The following FAM3C variants were observed in gnomAD, a reference collection of about 807,000 sequenced individuals.
The protein encoded by FAM3C is FAM3 metabolism regulating signaling molecule C.
A neutral mutation model predicts 32.5 loss-of-function variants in FAM3C; 15 were observed. The ratio of observed to expected loss-of-function variants is 0.46; its 90% CI spans 0.31 to 0.71. The LOEUF is 0.71. Ranked by LOEUF, FAM3C falls within the 30% of genes least tolerant of loss-of-function variation. The probability of loss-of-function intolerance (pLI) is 0.05; values close to 1 mark genes in which losing one functional copy is unlikely to be tolerated. For missense variants in FAM3C, 175 were observed against 274.4 expected, an observed-to-expected ratio of 0.64 and a Z score of 2.56; for synonymous variants, 75 against 86.1, an observed-to-expected ratio of 0.87 and a Z score of 0.72.
intron 3 of FAM3C, 78 bp from the exon 4 acceptor site, chr7:121,372,217 A>T: frequency 1.1e-6 from 1 of 920,448 alleles, no homozygotes; most frequent in South Asian, 1.5e-5. Flanking sequence ...ATTTAGGTCC[A>T]CAAAAATAAG....
At chr7:121,357,515 T>G (rs987497029) in intron 8 of FAM3C, among the ~76,000 whole-genome samples, 3 of 152,106 alleles carry the variant, frequency 2.0e-5, no homozygotes, top group African/African-American at 7.2e-5. Flanking sequence ...GTTATATATA[T>G]ATTAGATGTA....
At chr7:121,379,769 G>A (rs181622551) in intron 2 of FAM3C, among the ~76,000 whole-genome samples, 51 of 152,204 alleles carry the variant, frequency 3.4e-4, no homozygotes, top group Middle Eastern at 3.4e-3. Context: ...CATGGGGAGC[G>A]GGACAGGGAG....
At chr7:121,387,558 T>A (rs1250598017) in intron 1 of FAM3C, among the ~76,000 whole-genome samples, 1 of 152,098 alleles carries the variant, frequency 6.6e-6, no homozygotes, top group Non-Finnish European at 1.5e-5. Context: ...GAATGGATCC[T>A]CTTCAAAAGG....
At position 121,390,034 on chromosome 7, in the gene FAM3C, C is replaced by T. The variant is rs546201203; in HGVS notation, c.-42+6128G>A. ...TACAAATAGATGTCAACTAAGGACACCTTATATAAACTCCTCATTGCAATC... is the reference window on the plus strand; with the variant it reads ...TACAAATAGATGTCAACTAAGGACATCTTATATAAACTCCTCATTGCAATC... On this transcript the variant is annotated intron_variant, in intron 1 of 9. Transcript: ENST00000359943. 8.5e-5 allele frequency among the ~76,000 whole-genome samples: 13 copies of T among 152,256 alleles called. No homozygotes were observed. In the East Asian group the frequency reaches 2.5e-3, roughly 29 times the overall value.
intron 5 of FAM3C, among the ~76,000 whole-genome samples, chr7:121,366,403 T>C (rs1794024665): frequency 6.6e-6 from 1 of 152,164 alleles, no homozygotes; most frequent in Non-Finnish European, 1.5e-5. Flanking sequence ...GGAGGAAGCC[T>C]GAAAACATTA....
Position 121,364,204 on chromosome 7 carries a change from T to C in FAM3C, c.273-16A>G. The C allele has an allele frequency of 1.3e-6, 2 of 1,504,836 alleles. No homozygotes were observed. Among genetic ancestry groups the C allele is most frequent in the Non-Finnish European group, 9.2e-7 (1 of 1,083,268 alleles). 93.2% of individuals were successfully genotyped at this position (1,504,836 alleles called of 1,614,324 possible). A position where few individuals can be genotyped will look rare whatever the true frequency, so the allele number is the denominator to read the frequency against. On this transcript the variant is annotated splice_polypyrimidine_tract_variant and intron_variant, in intron 5 of 9. Coordinates refer to ENST00000359943, the MANE Select transcript of FAM3C (RefSeq NM_014888.3). ...ACTCATTAAACTGAAGGGGGAGAAA[T>C]TGAAATAAATTTAGAATTAAATATT... is the stretch of plus-strand genomic sequence containing the variant.
At chr7:121,351,090 G>T in intron 9 of FAM3C, 53 bp downstream of exon 9, 1 of 1,537,942 alleles carries the variant, frequency 6.5e-7, no homozygotes, top group Non-Finnish European at 8.9e-7. Flanking sequence ...AAAATGTACC[G>T]TAAGGTTTCA....
chr7:121,353,673 T>C (rs1793752546), intron 8 of FAM3C, among the ~76,000 whole-genome samples: 1 of 152,214 alleles, frequency 6.6e-6, no homozygotes, highest in Non-Finnish European at 1.5e-5. Flanking sequence ...AGAGGGTGCC[T>C]ACATGACCAG....
chr7:121,393,500 T>C (rs1212057128), intron 1 of FAM3C, among the ~76,000 whole-genome samples: 3 of 151,590 alleles, frequency 2.0e-5, no homozygotes, highest in Admixed American at 1.3e-4. Flanking sequence ...AAAAAGAAAA[T>C]TGGAAGAAAA....
intron 8 of FAM3C, 120 bp downstream of exon 8, chr7:121,359,923 G>C (rs1793885780): frequency 3.1e-6 from 2 of 637,306 alleles, no homozygotes; most frequent in East Asian, 5.5e-5. Flanking sequence ...AAAATTGTTA[G>C]TTGTGTTTAC....
intron 1 of FAM3C, among the ~76,000 whole-genome samples, chr7:121,386,969 A>T (rs1171738674): frequency 6.6e-6 from 1 of 152,036 alleles, no homozygotes; most frequent in East Asian, 1.9e-4. Flanking sequence ...TGAGTAAAAC[A>T]GGGCAACTGT....
intron 1 of FAM3C, among the ~76,000 whole-genome samples, chr7:121,384,934 C>G (rs972303033): frequency 6.6e-6 from 1 of 151,998 alleles, no homozygotes; most frequent in African/African-American, 2.4e-5. Flanking sequence ...CTAAATCATT[C>G]CTATTTGTCT....
chr7:121,392,892 T>C (rs561808823), intron 1 of FAM3C, among the ~76,000 whole-genome samples: 1 of 152,350 alleles, frequency 6.6e-6, no homozygotes, highest in Admixed American at 6.5e-5. Context: ...GAAGTACTGA[T>C]ACCTGCTGAT....
intron 8 of FAM3C, among the ~76,000 whole-genome samples, chr7:121,359,661 A>AT (rs1216070194): frequency 1.3e-5 from 2 of 152,028 alleles, no homozygotes; most frequent in Non-Finnish European, 2.9e-5. Context: ...ATCTTTGACA[A>AT]TTAACTCCAT....
intron 3 of FAM3C, among the ~76,000 whole-genome samples, chr7:121,374,760 T>C (rs1236039611): frequency 6.6e-6 from 1 of 152,204 alleles, no homozygotes; most frequent in Admixed American, 6.5e-5. Flanking sequence ...CCTCATAATG[T>C]CTAAATCAAA....
chr7:121,357,464 C>T (rs1363609410), intron 8 of FAM3C, among the ~76,000 whole-genome samples: 5 of 152,174 alleles, frequency 3.3e-5, no homozygotes, highest in East Asian at 3.9e-4. Flanking sequence ...TGGTAAATCA[C>T]TGCAAATGTG....
intron 9 of FAM3C, 81 bp from the exon 10 acceptor site, chr7:121,350,631 ATT>A (rs1793685530): frequency 7.3e-7 from 1 of 1,361,676 alleles, no homozygotes; most frequent in Non-Finnish European, 1.0e-6. Context: ...CACACTTCTC[ATT>A]TCAGTAATAC....
Position 121,350,158 on chromosome 7 carries a change from A to T in FAM3C, c.*303T>A, listed in dbSNP as rs1793674839. The T allele has an allele frequency of 6.8e-6, 2 of 294,298 alleles. No homozygotes were observed. Among genetic ancestry groups the T allele is most frequent in the African/African-American group, 2.5e-5 (1 of 40,746 alleles). The allele number at this position is 294,298 out of a possible 1,614,324, so 18.2% of individuals were successfully genotyped here. A position where few individuals can be genotyped will look rare whatever the true frequency, so the allele number is the denominator to read the frequency against. On this transcript the variant is annotated 3_prime_UTR_variant, in exon 10 of 10. Coordinates refer to ENST00000359943, the MANE Select transcript of FAM3C (RefSeq NM_014888.3). Reference sequence around the variant, plus strand: ...ATATATATCAATATATTTTTCACAAACCATTCAGTTACACATTGTGTATGC... The same window carrying T: ...ATATATATCAATATATTTTTCACAATCCATTCAGTTACACATTGTGTATGC...
intron 1 of FAM3C, among the ~76,000 whole-genome samples, chr7:121,388,068 C>T (rs1450202603): frequency 2.0e-5 from 3 of 152,040 alleles, no homozygotes; most frequent in Admixed American, 1.3e-4. Context: ...AGTAGGATAT[C>T]TGAGCTGCTA....
Sources: allele counts gnomAD v4.1 joint callset (sites outside exome capture counted in the v4.1 genomes callset), GRCh38; gene constraint gnomAD v4.1.1; transcripts MANE v1.5; gene names NCBI Gene and HGNC (gene_info 2026-07-23, HGNC 2026-07-21).